GRM2: variants seen among roughly 807,000 people sequenced by gnomAD.
The protein encoded by GRM2 is metabotropic glutamate receptor 2.
GRM2 carries 35 observed loss-of-function variants against 60.4 expected under a neutral mutation model. That is an observed-to-expected ratio of 0.58 (90% CI 0.44 to 0.77). The LOEUF (loss-of-function observed/expected upper bound fraction) is 0.77, where lower values mean the gene tolerates loss of function less well. GRM2 is among the 30% of genes least tolerant of loss of function. The pLI is 0.00. For synonymous variants in GRM2, 437 were observed against 484.1 expected, an observed-to-expected ratio of 0.90 and a Z score of 1.28; for missense variants, 925 against 1,199.5, an observed-to-expected ratio of 0.77 and a Z score of 3.38.
In GRM2 at chr3:51,709,369, A is replaced by C; in HGVS notation, c.386A>C (p.His129Pro). 1 of 1,586,294 alleles carries C rather than the reference A, an allele frequency of 6.3e-7. No individual in the cohort carries two copies. Among genetic ancestry groups the C allele is most frequent in the Non-Finnish European group, 8.6e-7 (1 of 1,158,254 alleles). The change falls in exon 2 of 6, where the codon CAT becomes CCT. Residue 129 changes from histidine to proline, a missense_variant. By Grantham distance (77) the His-to-Pro change is moderately conservative (BLOSUM62 -2). Transcript: ENST00000395052. ...TGCCCCGACGGCTCTTATGCGACCC[A>C]TGGTGATGCTCCCACTGCCATCACT... ...HICPDGSYAT[H>P]GDAPTAITGV... is the part of the protein sequence containing the mutation.
rs531622504 is a variant in GRM2, at chr3:51,718,003, C to G, written c.2546-36C>G. 8.8e-6 allele frequency: 14 copies of G among 1,598,572 alleles called. No homozygotes were observed. The South Asian group carries it at 1.2e-4, about 14-fold the overall frequency. ...ACTGCCTGCCCTCCATGGAGGACCT[C>G]GGGATTGGCCCCAACCTCTGGCTTC... On this transcript the variant is annotated intron_variant, in intron 5 of 5. Transcript: ENST00000395052. The surrounding 1 kb of genome is among the most constrained non-coding windows in gnomAD (Gnocchi z 4.2).
Position 51,717,146 on chromosome 3 carries a change from A to C in GRM2, c.2365-491A>C, listed in dbSNP as rs932571574. 2.0e-5 allele frequency among the ~76,000 whole-genome samples: 3 copies of C among 151,704 alleles called. No homozygotes were observed. The highest frequency in any genetic ancestry group is 4.4e-5 in the Non-Finnish European group (3 of 67,910). The stretch of plus-strand genomic sequence containing the variant: ...CACACACACACACACACTTGTACAC[A>C]CAGACATAGCCACATGCATGCATGC... On this transcript the variant is annotated intron_variant, in intron 4 of 5. Transcript: ENST00000395052. This position sits in a 1 kb window ranked among gnomAD's most constrained non-coding sequence, Gnocchi z 6.0.
chr3:51,708,012 T>C (rs1314439105), intron 1 of GRM2: 5 of 152,140 alleles, frequency 3.3e-5, no homozygotes, highest in Non-Finnish European at 7.3e-5. Context: ...ATGGTGACTT[T>C]CTCTGCTGGG....
At position 51,715,785 on chromosome 3, in the gene GRM2, C is replaced by T; in HGVS notation, c.2012C>T (p.Pro671Leu). 1 of 1,613,418 alleles carries T rather than the reference C, an allele frequency of 6.2e-7. No individual in the cohort carries two copies. The highest frequency in any genetic ancestry group is 8.5e-7 in the Non-Finnish European group (1 of 1,179,602). ...GGGGCCCGGGAGGGTGCCCAGCGGC[C>T]ACGCTTCATCAGTCCTGCCTCACAG... ...FGGAREGAQRPRFISPASQVA... is the reference protein window; with the variant it reads ...FGGAREGAQRLRFISPASQVA... The change falls in exon 4 of 6, where the codon CCA becomes CTA. Residue 671 changes from proline (P) to leucine (L), a missense_variant. By Grantham distance (98) the Pro-to-Leu change is moderately conservative. Transcript: ENST00000395052. This position sits in a 1 kb window ranked among gnomAD's most constrained non-coding sequence, Gnocchi z 9.0.
Position 51,715,021 on chromosome 3 carries a change from A to T in GRM2, c.1289-41A>T. 1 of 1,285,088 alleles carries T rather than the reference A, an allele frequency of 7.8e-7. No homozygotes were observed. The highest frequency in any genetic ancestry group is 1.1e-6 in the Non-Finnish European group (1 of 915,710). The allele number at this position is 1,285,088 out of a possible 1,614,324, so 79.6% of individuals were successfully genotyped here. On this transcript the variant is annotated intron_variant, in intron 3 of 5. Coordinates refer to ENST00000395052, the MANE Select transcript of GRM2 (RefSeq NM_000839.5). The surrounding 1 kb of genome is among the most constrained non-coding windows in gnomAD (Gnocchi z 9.0). The stretch of plus-strand genomic sequence containing the variant: ...AATGTTGAGGTCACATCAGGGTAAC[A>T]CACTAGTCCAACCTTCTCTTCCTTC...
rs1703592977 is a variant in GRM2 at position 51,708,877 on chromosome 3, G to T, written c.-107G>T. 7 of 818,302 alleles carry T rather than the reference G, an allele frequency of 8.6e-6. No homozygotes were observed. The highest frequency in any genetic ancestry group is 1.3e-5 in the Non-Finnish European group (7 of 538,354). The allele number at this position is 818,302 out of a possible 1,614,324, so 50.7% of individuals were successfully genotyped here. A position where few individuals can be genotyped will look rare whatever the true frequency, so the allele number is the denominator to read the frequency against. On this transcript the variant is annotated 5_prime_UTR_variant, in exon 2 of 6. Transcript: ENST00000395052. ...TGGGTCCCTTCGCATCTCTCTTCTT[G>T]TCTGTCCTTTCCTGGTCCCTGTTTC...
Position 51,717,942 on chromosome 3 carries a change from G to C in GRM2, c.2546-97G>C. ...GACACTGGCAGGAGAGGACAGGAGA[G>C]GGGAGGGGAGGCTTCCCTCACAGCC... On this transcript the variant is annotated intron_variant, in intron 5 of 5. Transcript: ENST00000395052. This position sits in a 1 kb window ranked among gnomAD's most constrained non-coding sequence, Gnocchi z 6.0. 7.0e-7 allele frequency: 1 copy of C among 1,428,090 alleles called. No homozygotes were observed. The highest frequency in any genetic ancestry group is 1.1e-5 in the South Asian group (1 of 87,178). The allele number at this position is 1,428,090 out of a possible 1,614,324, so 88.5% of individuals were successfully genotyped here.
In GRM2 at chr3:51,713,190, C is replaced by T; in HGVS notation, c.1168C>T (p.His390Tyr). Residue 390 changes from histidine to tyrosine, a missense_variant, in exon 3 of 6, where the codon CAT becomes TAT. By Grantham distance (83) the His-to-Tyr change is moderately conservative. Coordinates refer to ENST00000395052, the MANE Select transcript of GRM2 (RefSeq NM_000839.5). The surrounding 1 kb of genome is among the most constrained non-coding windows in gnomAD (Gnocchi z 4.8). ...FVVNAVYAMA[H>Y]ALHNMHRALC... Reference sequence around the variant, plus strand: ...GGTCAATGCAGTGTACGCCATGGCCCATGCGCTCCACAACATGCACCGTGC... The same window carrying T: ...GGTCAATGCAGTGTACGCCATGGCCTATGCGCTCCACAACATGCACCGTGC... The T allele has an allele frequency of 6.2e-7, 1 of 1,613,206 alleles. No homozygotes were observed. The highest frequency in any genetic ancestry group is 8.5e-7 in the Non-Finnish European group (1 of 1,180,022).
At position 51,709,187 on chromosome 3, in the gene GRM2, A is replaced by T. The variant is rs1412327020; in HGVS notation, c.204A>T (p.Ala68=). Reference sequence around the variant, plus strand: ...AGCGCCTGGAGGCCATGCTTTTTGCACTGGACCGCATCAACCGTGACCCGC... The same window carrying T: ...AGCGCCTGGAGGCCATGCTTTTTGCTCTGGACCGCATCAACCGTGACCCGC... ...GIQRLEAMLF[A]LDRINRDPHL... Residue 68 remains alanine, a synonymous_variant, in exon 2 of 6, where the codon GCA becomes GCT. Transcript: ENST00000395052. 2 of 1,612,102 alleles carry T rather than the reference A, an allele frequency of 1.2e-6. No homozygotes were observed. Among genetic ancestry groups the T allele is most frequent in the East Asian group, 2.2e-5 (1 of 44,878 alleles).
chr3:51,712,515 T>A lies in GRM2; in HGVS notation c.493T>A (p.Tyr165Asn), dbSNP rs940254088. Residue 165 changes from tyrosine (Y) to asparagine (N), a missense_variant, in exon 3 of 6, where the codon TAC becomes AAC. Tyr to Asn is a moderately radical substitution (Grantham distance 143). Transcript: ENST00000395052. This position sits in a 1 kb window ranked among gnomAD's most constrained non-coding sequence, Gnocchi z 5.3. Reference sequence around the variant, plus strand: ...GCTATTTCAGATCCCACAGATTAGCTACGCCTCTACCAGTGCCAAGCTGAG... The same window carrying A: ...GCTATTTCAGATCCCACAGATTAGCAACGCCTCTACCAGTGCCAAGCTGAG... ...LRLFQIPQISYASTSAKLSDK... is the reference protein window; with the variant it reads ...LRLFQIPQISNASTSAKLSDK... The A allele has an allele frequency of 1.2e-6, 2 of 1,614,112 alleles. No individual in the cohort carries two copies. Among genetic ancestry groups the A allele is most frequent in the Non-Finnish European group, 1.7e-6 (2 of 1,180,008 alleles).
chr3:51,710,245 C>T (rs1012803957), intron 2 of GRM2, among the ~76,000 whole-genome samples: 11 of 152,188 alleles, frequency 7.2e-5, no homozygotes, highest in Non-Finnish European at 8.8e-5. Flanking sequence ...CCACCCGCCT[C>T]GGCCTCCCAA....
In GRM2 at chr3:51,712,812, C is replaced by T. The variant is rs1703764289; in HGVS notation, c.790C>T (p.Arg264Cys). 1.3e-5 allele frequency: 21 copies of T among 1,612,926 alleles called. No homozygotes were observed. The highest frequency in any genetic ancestry group is 4.5e-5 in the East Asian group (2 of 44,872). Residue 264 changes from arginine to cysteine, a missense_variant, in exon 3 of 6, where the codon CGC becomes TGC. Coordinates refer to ENST00000395052, the MANE Select transcript of GRM2 (RefSeq NM_000839.5). This position sits in a 1 kb window ranked among gnomAD's most constrained non-coding sequence, Gnocchi z 5.3. Reference protein sequence around the residue: ...VRALLQKPSARVAVLFTRSED... With the variant: ...VRALLQKPSACVAVLFTRSED... ...AGCCCTGCTGCAGAAGCCCAGTGCCCGCGTGGCTGTCCTGTTCACCCGTTC... is the reference window on the plus strand; with the variant it reads ...AGCCCTGCTGCAGAAGCCCAGTGCCTGCGTGGCTGTCCTGTTCACCCGTTC...
intron 2 of GRM2, among the ~76,000 whole-genome samples, chr3:51,710,286 G>T (rs2107095581): frequency 6.6e-6 from 1 of 152,294 alleles, no homozygotes; most frequent in East Asian, 1.9e-4. Flanking sequence ...GAGCCACTGT[G>T]CCCGGCCCAC....
Position 51,718,216 on chromosome 3 carries a change from C to A in GRM2, c.*104C>A. The A allele has an allele frequency of 1.1e-6, 1 of 942,450 alleles. No homozygotes were observed. Among genetic ancestry groups the A allele is most frequent in the Non-Finnish European group, 1.8e-6 (1 of 569,264 alleles). The allele number at this position is 942,450 out of a possible 1,614,324, so 58.4% of individuals were successfully genotyped here. A position where few individuals can be genotyped will look rare whatever the true frequency, so the allele number is the denominator to read the frequency against. Reference sequence around the variant, plus strand: ...GCTGGAGCACTGCAATAATTTATTACCCACCCTATGTCTGCCCCCAAAGTC... The same window carrying A: ...GCTGGAGCACTGCAATAATTTATTAACCACCCTATGTCTGCCCCCAAAGTC... On this transcript the variant is annotated 3_prime_UTR_variant, in exon 6 of 6. Coordinates refer to ENST00000395052, the MANE Select transcript of GRM2 (RefSeq NM_000839.5). This position sits in a 1 kb window ranked among gnomAD's most constrained non-coding sequence, Gnocchi z 4.2.
rs1703970379 is a variant in GRM2, at chr3:51,718,097, A to G, written c.2604A>G (p.Thr868=). 1.2e-6 allele frequency: 2 copies of G among 1,613,888 alleles called. No individual in the cohort carries two copies. The highest frequency in any genetic ancestry group is 1.7e-6 in the Non-Finnish European group (2 of 1,179,910). ...ATGGCCGTGAGGTGGTGGACTCGAC[A>G]ACGTCATCGCTTTGAAGACCCCATA... The part of the protein sequence containing the change: ...VCNGREVVDS[T]TSSL The change falls in exon 6 of 6, where the codon ACA becomes ACG. Residue 868 remains threonine (T), a synonymous_variant. Transcript: ENST00000395052. This position sits in a 1 kb window ranked among gnomAD's most constrained non-coding sequence, Gnocchi z 4.2.
Position 51,715,618 on chromosome 3 carries a change from C to T in GRM2, c.1845C>T (p.Leu615=). The T allele has an allele frequency of 6.2e-7, 1 of 1,614,258 alleles. No homozygotes were observed. Among genetic ancestry groups the T allele is most frequent in the Non-Finnish European group, 8.5e-7 (1 of 1,180,040 alleles). The change falls in exon 4 of 6, where the codon CTC becomes CTT. Residue 615 remains leucine (L), a synonymous_variant. Coordinates refer to ENST00000395052, the MANE Select transcript of GRM2 (RefSeq NM_000839.5). The surrounding 1 kb of genome is among the most constrained non-coding windows in gnomAD (Gnocchi z 9.0). ...LCYILLGGVF[L]CYCMTFIFIA... ...ACATCCTGCTGGGTGGTGTCTTCCT[C>T]TGCTACTGCATGACCTTCATCTTCA...
chr3:51,709,406 C>T lies in GRM2; in HGVS notation c.423C>T (p.Gly141=), dbSNP rs1185330079. The change falls in exon 2 of 6, where the codon GGC becomes GGT. Residue 141 remains glycine, a synonymous_variant. Transcript: ENST00000395052. The part of the protein sequence containing the change: ...DAPTAITGVI[G]GSYSDVSIQV... ...CCACTGCCATCACTGGTGTTATTGGCGGTTCCTACAGTGATGTCTCCATCC... is the reference window on the plus strand; with the variant it reads ...CCACTGCCATCACTGGTGTTATTGGTGGTTCCTACAGTGATGTCTCCATCC... The T allele has an allele frequency of 1.3e-6, 2 of 1,567,102 alleles. No individual in the cohort carries two copies. Among genetic ancestry groups the T allele is most frequent in the Non-Finnish European group, 1.7e-6 (2 of 1,147,044 alleles).
chr3:51,709,575 A>G (rs900611550), intron 2 of GRM2, 142 bp downstream of exon 2: 2 of 616,700 alleles, frequency 3.2e-6, no homozygotes, highest in Non-Finnish European at 2.8e-6. Flanking sequence ...TACAGAAGCT[A>G]AGAAAGTGCC....
chr3:51,717,941 AG>A lies in GRM2; in HGVS notation c.2546-94del. ...TGACACTGGCAGGAGAGGACAGGAG[AG>A]GGGAGGGGAGGCTTCCCTCACAGCC... On this transcript the variant is annotated intron_variant, in intron 5 of 5. Transcript: ENST00000395052. The surrounding 1 kb of genome is among the most constrained non-coding windows in gnomAD (Gnocchi z 6.0). The A allele has an allele frequency of 7.0e-7, 1 of 1,419,794 alleles. No homozygotes were observed. Among genetic ancestry groups the A allele is most frequent in the Non-Finnish European group, 1.0e-6 (1 of 1,003,404 alleles). The allele number at this position is 1,419,794 out of a possible 1,614,324, so 87.9% of individuals were successfully genotyped here.
Sources: allele counts gnomAD v4.1 joint callset (sites outside exome capture counted in the v4.1 genomes callset), GRCh38; gene constraint gnomAD v4.1.1; non-coding constraint Gnocchi (gnomAD v3.1); transcripts MANE v1.5; gene names NCBI Gene and HGNC (gene_info 2026-07-23, HGNC 2026-07-21).